Variants in PLCL1 observed in about 807,000 individuals in gnomAD.
PLCL1 encodes the protein inactive phospholipase C-like protein 1.
PLCL1 carries 41 observed loss-of-function variants against 84.4 expected under a neutral mutation model. The ratio of observed to expected loss-of-function variants is 0.49; its 90% CI spans 0.38 to 0.63. PLCL1 has a LOEUF of 0.63. Ranked by LOEUF, PLCL1 falls within the 30% of genes least tolerant of loss-of-function variation. The probability of loss-of-function intolerance (pLI) is 0.00; values close to 1 mark genes in which losing one functional copy is unlikely to be tolerated. For synonymous variants in PLCL1, 490 were observed against 488.3 expected (o/e 1.00, Z -0.05); for missense variants, 1,206 against 1,367.8 (o/e 0.88, Z 1.87).
intron 1 of PLCL1, among the ~76,000 whole-genome samples, chr2:198,051,557 C>T (rs780149699): frequency 3.3e-5 from 5 of 152,052 alleles, no homozygotes; most frequent in Non-Finnish European, 7.4e-5. Context: ...AGAACAAAAA[C>T]AAGCAAACAA....
chr2:197,826,221 A>G (rs978470551), intron 1 of PLCL1, among the ~76,000 whole-genome samples: 1 of 152,218 alleles, frequency 6.6e-6, no homozygotes, highest in African/African-American at 2.4e-5. Flanking sequence ...CTCGTTCACA[A>G]TAGCATAAGT....
chr2:197,899,353 T>G (rs1688217959), intron 1 of PLCL1, among the ~76,000 whole-genome samples: 1 of 151,964 alleles, frequency 6.6e-6, no homozygotes, highest in Admixed American at 6.6e-5. Flanking sequence ...CTAGGATGCT[T>G]TAGAGCCAGA....
chr2:197,892,114 G>A (rs894163248), intron 1 of PLCL1, among the ~76,000 whole-genome samples: 2 of 152,106 alleles, frequency 1.3e-5, no homozygotes, highest in Non-Finnish European at 2.9e-5. Context: ...GTTTACTCAC[G>A]ATTTACTATG....
chr2:197,893,514 C>T (rs1419363978), intron 1 of PLCL1, among the ~76,000 whole-genome samples: 1 of 152,064 alleles, frequency 6.6e-6, no homozygotes, highest in African/African-American at 2.4e-5. Context: ...TCATTTGACC[C>T]TCAGAACAGT....
At chr2:197,888,597 A>G (rs959209495) in intron 1 of PLCL1, among the ~76,000 whole-genome samples, 1 of 152,224 alleles carries the variant, frequency 6.6e-6, no homozygotes, top group Non-Finnish European at 1.5e-5. Flanking sequence ...TCATAGAGTC[A>G]TAAAGATTTA....
chr2:198,112,334 A>C (rs1209906199), intron 5 of PLCL1, among the ~76,000 whole-genome samples: 1 of 151,886 alleles, frequency 6.6e-6, no homozygotes, highest in African/African-American at 2.4e-5. Context: ...ATACCAAAGC[A>C]GAAGACCAGA....
chr2:197,873,344 GA>G, intron 1 of PLCL1, among the ~76,000 whole-genome samples: 1 of 152,200 alleles, frequency 6.6e-6, no homozygotes, highest in South Asian at 2.1e-4. Flanking sequence ...GAGCCAGCAG[GA>G]AGTCCAGTGC....
At chr2:197,816,198 TCACC>T (rs1339180172) in intron 1 of PLCL1, among the ~76,000 whole-genome samples, 5 of 152,058 alleles carry the variant, frequency 3.3e-5, no homozygotes, top group Admixed American at 3.3e-4. Flanking sequence ...CCCTGATCAG[TCACC>T]AGTGTTCAAA....
In PLCL1 at chr2:198,146,982, G is replaced by A. The variant is rs374739063; in HGVS notation, c.*20G>A. On this transcript the variant is annotated 3_prime_UTR_variant, in exon 6 of 6. Coordinates refer to ENST00000428675, the MANE Select transcript of PLCL1 (RefSeq NM_006226.4). Reference sequence around the variant, plus strand: ...CTGTGACTCTGGGCATTATCGACACGTTCACCCATCTTATCAAGGACTCTG... The same window carrying A: ...CTGTGACTCTGGGCATTATCGACACATTCACCCATCTTATCAAGGACTCTG... 7.7e-5 allele frequency: 119 copies of A among 1,554,620 alleles called. 1 individual carries two copies. The highest frequency in any genetic ancestry group is 2.5e-4 in the Admixed American group (13 of 51,968).
intron 1 of PLCL1, among the ~76,000 whole-genome samples, chr2:197,992,990 T>C (rs1454160260): frequency 1.3e-5 from 2 of 152,228 alleles, no homozygotes; most frequent in Non-Finnish European, 2.9e-5. Flanking sequence ...AAATATCTGT[T>C]TGAGTCCCTG....
At chr2:197,819,922 A>T (rs1380541992) in intron 1 of PLCL1, among the ~76,000 whole-genome samples, 1 of 133,008 alleles carries the variant, frequency 7.5e-6, no homozygotes, top group Non-Finnish European at 1.6e-5. Context: ...GTGTGTGTGT[A>T]TGTAGTAGGG....
intron 1 of PLCL1, among the ~76,000 whole-genome samples, chr2:197,965,446 T>A (rs890340291): frequency 8.5e-5 from 13 of 152,150 alleles, no homozygotes; most frequent in African/African-American, 2.9e-4. Flanking sequence ...GTAGGTCTTC[T>A]GTCTTTTTTT....
rs947765881 is a variant in PLCL1, at chr2:198,102,420, A to T, written c.2995+1060A>T. ...GCTGGGCTCCACACTCATGTTCTTT[A>T]CTATGTGCTATGTTTGTGATGTTAG... On this transcript the variant is annotated intron_variant, in intron 4 of 5. Coordinates refer to ENST00000428675, the MANE Select transcript of PLCL1 (RefSeq NM_006226.4). Among the ~76,000 whole-genome samples the T allele has an allele frequency of 5.3e-5, 8 of 152,118 alleles. No homozygotes were observed. In the East Asian group the frequency reaches 1.2e-3, roughly 22 times the overall value.
intron 1 of PLCL1, among the ~76,000 whole-genome samples, chr2:197,882,414 G>C (rs1333737830): frequency 6.6e-6 from 1 of 152,116 alleles, no homozygotes; most frequent in African/African-American, 2.4e-5. Flanking sequence ...TTATGGGAAG[G>C]ACTTGACACT....
intron 1 of PLCL1, among the ~76,000 whole-genome samples, chr2:197,900,054 C>A (rs541306069): frequency 2.9e-4 from 44 of 152,314 alleles, no homozygotes; most frequent in African/African-American, 9.6e-4. Context: ...TTTCTAGTCC[C>A]ATACCTGCCT....
chr2:198,012,349 C>T (rs1378496577), intron 1 of PLCL1, among the ~76,000 whole-genome samples: 1 of 152,108 alleles, frequency 6.6e-6, no homozygotes, highest in African/African-American at 2.4e-5. Flanking sequence ...AGATGCTGCA[C>T]TCCTAATATA....
At chr2:198,070,483 G>GTGCTT (rs1171555867) in intron 1 of PLCL1, among the ~76,000 whole-genome samples, 1 of 151,896 alleles carries the variant, frequency 6.6e-6, no homozygotes, top group East Asian at 1.9e-4. Flanking sequence ...AAACTGAATT[G>GTGCTT]TGCTTTGGAC....
In PLCL1 at chr2:198,085,105, C is replaced by G. The variant is rs1692832157; in HGVS notation, c.1588C>G (p.Pro530Ala). ...GCCCTCAGAATCCTACCTCCCATCA[C>G]CAGAAAAATTAAAAAGAATGATCAT... is the stretch of plus-strand genomic sequence containing the variant. ...PLPSESYLPSPEKLKRMIIVK... is the reference protein window; with the variant it reads ...PLPSESYLPSAEKLKRMIIVK... The change falls in exon 2 of 6, where the codon CCA (proline) becomes GCA (alanine). Residue 530 changes from proline to alanine, a missense_variant. By Grantham distance (27) the Pro-to-Ala change is conservative. Transcript: ENST00000428675. The surrounding 1 kb of genome is among the most constrained non-coding windows in gnomAD (Gnocchi z 5.3). 4 of 1,613,864 alleles carry G rather than the reference C, an allele frequency of 2.5e-6. No individual in the cohort carries two copies. The highest frequency in any genetic ancestry group is 3.4e-6 in the Non-Finnish European group (4 of 1,179,942).
chr2:197,874,478 A>G lies in PLCL1; in HGVS notation c.240+69139A>G, dbSNP rs1056382004. Reference sequence around the variant, plus strand: ...TTTTTTAAAATTTACTGCTTATTGCAGGAAAATATACTGACAGAAAATTAA... The same window carrying G: ...TTTTTTAAAATTTACTGCTTATTGCGGGAAAATATACTGACAGAAAATTAA... On this transcript the variant is annotated intron_variant, in intron 1 of 5. Transcript: ENST00000428675. Among the ~76,000 whole-genome samples the G allele has an allele frequency of 6.6e-5, 10 of 152,134 alleles. 1 individual carries two copies. The highest frequency in any genetic ancestry group is 6.5e-4 in the Admixed American group (10 of 15,272).
Sources: allele counts gnomAD v4.1 joint callset (sites outside exome capture counted in the v4.1 genomes callset), GRCh38; gene constraint gnomAD v4.1.1; non-coding constraint Gnocchi (gnomAD v3.1); transcripts MANE v1.5; gene names NCBI Gene and HGNC (gene_info 2026-07-23, HGNC 2026-07-21).